The following PADI1 variants were observed in gnomAD, a reference collection of about 807,000 sequenced individuals.
The protein encoded by PADI1 is peptidyl arginine deiminase 1, also known as protein-arginine deiminase type-1.
PADI1 carries 65 observed loss-of-function variants against 74.8 expected under a neutral mutation model. The ratio of observed to expected loss-of-function variants is 0.87; its 90% confidence interval spans 0.71 to 1.07. PADI1 has a LOEUF of 1.07. Ranked by LOEUF, PADI1 falls within the 50% of genes least tolerant of loss-of-function variation. The pLI is 0.00. For missense variants in PADI1, 943 were observed against 854.0 expected (o/e 1.10, Z -1.30); for synonymous variants, 371 against 336.2 (o/e 1.10, Z -1.13).
chr1:17,220,021 G>A, intron 1 of PADI1, among the ~76,000 whole-genome samples: 1 of 152,102 alleles, frequency 6.6e-6, no homozygotes, highest in East Asian at 1.9e-4. Flanking sequence ...TAGTCCAGGA[G>A]ACTTGGGGTT....
chr1:17,214,767 C>T (rs1055267188), intron 1 of PADI1, among the ~76,000 whole-genome samples: 8 of 152,228 alleles, frequency 5.3e-5, no homozygotes, highest in African/African-American at 1.9e-4. Flanking sequence ...TCATCCATGA[C>T]CAGGCCCACA....
At position 17,228,655 on chromosome 1, in the gene PADI1, T is replaced by G. The variant is rs2072391554; in HGVS notation, c.683T>G (p.Val228Gly). The G allele has an allele frequency of 1.2e-6, 2 of 1,614,050 alleles. No individual in the cohort carries two copies. Among genetic ancestry groups the G allele is most frequent in the Non-Finnish European group, 8.5e-7 (1 of 1,180,026 alleles). The change falls in exon 7 of 16, where the codon GTG (valine) becomes GGG (glycine). Residue 228 changes from valine to glycine, a missense_variant. Val to Gly is a moderately radical substitution (Grantham distance 109, BLOSUM62 -3). Transcript: ENST00000375471. ...AATTCTCTCTCGGACTACAAACAGG[T>G]GCTGGGGCCCCAGTGTCTGTCCTAT... ...GGNSLSDYKQ[V>G]LGPQCLSYEV... is the part of the protein sequence containing the mutation.
Position 17,205,297 on chromosome 1 carries a change from T to C in PADI1, c.80T>C (p.Val27Ala). The change falls in exon 1 of 16, where the codon GTG becomes GCG. Residue 27 changes from valine to alanine, a missense_variant. Transcript: ENST00000375471. ...TGTGTGGTGGGAGTCGAGGCACATG[T>C]GGACATTCACAGGTAAGAGCTGGGA... ...AVCVVGVEAHVDIHSDVPKGA... is the reference protein window; with the variant it reads ...AVCVVGVEAHADIHSDVPKGA... 1 of 1,613,788 alleles carries C rather than the reference T, an allele frequency of 6.2e-7. No individual in the cohort carries two copies.
At chr1:17,215,550 G>A (rs2071954476) in intron 1 of PADI1, among the ~76,000 whole-genome samples, 1 of 152,018 alleles carries the variant, frequency 6.6e-6, no homozygotes. Flanking sequence ...CCTGAGTGGG[G>A]TGGAGCAGGA....
chr1:17,227,260 A>G (rs1284036657), intron 6 of PADI1, among the ~76,000 whole-genome samples: 1 of 151,306 alleles, frequency 6.6e-6, no homozygotes, highest in Non-Finnish European at 1.5e-5. Flanking sequence ...AGAAAAAGAA[A>G]AAATTGGCCG....
In PADI1 at chr1:17,230,623, G is replaced by C. The variant is rs1406730184; in HGVS notation, c.1105G>C (p.Val369Leu). ...IEAPHKSFPV[V>L]FDSPRNRGLK... ...GGCCCCTCACAAATCCTTCCCCGTGGTCTTTGACTCCCCCAGGAACAGGGG... is the reference window on the plus strand; with the variant it reads ...GGCCCCTCACAAATCCTTCCCCGTGCTCTTTGACTCCCCCAGGAACAGGGG... Residue 369 changes from valine to leucine, a missense_variant, in exon 10 of 16, where the codon GTC becomes CTC. Physicochemically the swap from Val to Leu is conservative, Grantham distance 32. Transcript: ENST00000375471. The C allele has an allele frequency of 6.2e-7, 1 of 1,613,302 alleles. No homozygotes were observed. The highest frequency in any genetic ancestry group is 1.7e-5 in the Admixed American group (1 of 59,942).
At chr1:17,235,697 G>A (rs1357062691) in intron 11 of PADI1, among the ~76,000 whole-genome samples, 2 of 152,076 alleles carry the variant, frequency 1.3e-5, no homozygotes, top group African/African-American at 2.4e-5. Flanking sequence ...GACTCAGGAA[G>A]GGGAGGGGCT....
At chr1:17,207,139 C>T (rs1007279783) in intron 1 of PADI1, among the ~76,000 whole-genome samples, 1 of 152,006 alleles carries the variant, frequency 6.6e-6, no homozygotes, top group Non-Finnish European at 1.5e-5. Flanking sequence ...ATTTCAGAAC[C>T]TCTGGCTCTA....
intron 15 of PADI1, 110 bp downstream of exon 15, chr1:17,240,870 T>C: frequency 8.3e-7 from 1 of 1,199,830 alleles, no homozygotes; most frequent in South Asian, 1.5e-5. Flanking sequence ...TGCGGACCTC[T>C]CCAGTGTCTG....
chr1:17,225,223 T>C (rs1259331177), intron 4 of PADI1, among the ~76,000 whole-genome samples: 1 of 152,196 alleles, frequency 6.6e-6, no homozygotes. Context: ...CGCACCCTTC[T>C]GTGAAATGGG....
rs1245156121 is a variant in PADI1 at position 17,238,665 on chromosome 1, A to G, written c.1508A>G (p.Gln503Arg). ...ASPSACLKLF[Q>R]EKKEEGYGEA... The stretch of plus-strand genomic sequence containing the variant: ...CCCAGCGCTTGCCTCAAACTCTTCC[A>G]AGAGAAGAAAGAAGAGGGTTATGGG... Residue 503 changes from glutamine to arginine, a missense_variant, in exon 13 of 16, where the codon CAA becomes CGA. Gln to Arg is a conservative substitution (Grantham distance 43, BLOSUM62 1). Transcript: ENST00000375471. 4 of 1,555,882 alleles carry G rather than the reference A, an allele frequency of 2.6e-6. No homozygotes were observed. In the African/African-American group the frequency reaches 4.1e-5, roughly 16 times the overall value.
At chr1:17,218,884 G>A (rs937139140) in intron 1 of PADI1, among the ~76,000 whole-genome samples, 5 of 152,128 alleles carry the variant, frequency 3.3e-5, no homozygotes, top group Non-Finnish European at 7.4e-5. Flanking sequence ...GCATGGTCGT[G>A]GACTCAAAGG....
intron 9 of PADI1, 30 bp from the exon 10 acceptor site, chr1:17,230,542 A>G: frequency 3.4e-6 from 5 of 1,482,080 alleles, no homozygotes; most frequent in Non-Finnish European, 4.7e-6. Context: ...GAAAAAGGTC[A>G]CTGTGGCTTT....
intron 1 of PADI1, among the ~76,000 whole-genome samples, chr1:17,219,570 C>T (rs1311604584): frequency 6.6e-6 from 1 of 152,078 alleles, no homozygotes; most frequent in Non-Finnish European, 1.5e-5. Flanking sequence ...CAGGGTGCAG[C>T]ACACCATCTA....
chr1:17,239,799 A>G lies in PADI1; in HGVS notation c.1632+16A>G, dbSNP rs774378312. The G allele has an allele frequency of 1.3e-6, 2 of 1,595,860 alleles. No homozygotes were observed. Among genetic ancestry groups the G allele is most frequent in the Non-Finnish European group, 1.7e-6 (2 of 1,164,144 alleles). On this transcript the variant is annotated intron_variant, in intron 14 of 15. Transcript: ENST00000375471. The stretch of plus-strand genomic sequence containing the variant: ...TCATGCACAGGTGAGAGGCAGGACC[A>G]CCAGCTGCTCTAAGGGGTCCTTTCC...
intron 11 of PADI1, 75 bp from the exon 12 acceptor site, chr1:17,237,239 A>G: frequency 5.4e-6 from 8 of 1,485,874 alleles, no homozygotes; most frequent in Non-Finnish European, 6.3e-6. Context: ...CTGGTGGCAG[A>G]TCTGATGATG....
rs373426172 is a variant in PADI1, at chr1:17,225,943, G to T, written c.526+15G>T. On this transcript the variant is annotated intron_variant, in intron 5 of 15. Transcript: ENST00000375471. ...GTCGCTGGCTGGTGAGTGACACAAG[G>T]TGTTGTCTGGGGAGTGGGGAAGGGG... The T allele has an allele frequency of 6.2e-7, 1 of 1,613,244 alleles. No individual in the cohort carries two copies. The highest frequency in any genetic ancestry group is 1.3e-5 in the African/African-American group (1 of 74,900).
Position 17,228,701 on chromosome 1 carries a change from G to C in PADI1, c.729G>C (p.Gly243=). 6.2e-7 allele frequency: 1 copy of C among 1,614,208 alleles called. No homozygotes were observed. Among genetic ancestry groups the C allele is most frequent in the Non-Finnish European group, 8.5e-7 (1 of 1,180,024 alleles). Residue 243 remains glycine, a synonymous_variant, in exon 7 of 16, where the codon GGG becomes GGC. Coordinates refer to ENST00000375471, the MANE Select transcript of PADI1 (RefSeq NM_013358.3). ...CLSYEVERQP[G]EQEIKFYVEG... is the part of the protein sequence containing the mutation. ...CCTATGAAGTTGAGCGACAGCCAGG[G>C]GAGCAGGAGATCAAGTTCTATGTGG...
In PADI1 at chr1:17,237,346, G is replaced by A. The variant is rs767917825; in HGVS notation, c.1346G>A (p.Arg449Gln). The A allele has an allele frequency of 5.6e-6, 9 of 1,612,128 alleles. No homozygotes were observed. The Admixed American group carries it at 6.7e-5, about 12-fold the overall frequency. Residue 449 changes from arginine to glutamine, a missense_variant, in exon 12 of 16, where the codon CGG becomes CAG. By Grantham distance (43) the Arg-to-Gln change is conservative. Transcript: ENST00000375471. ...GGGCGGCAGATGGCCAGGGCAGTGC[G>A]GAACTTCCTGAAGGCACAGCAGGTG... ...SGGRQMARAV[R>Q]NFLKAQQVQA...
Sources: gnomAD v4.1 joint callset for allele counts (sites outside exome capture counted in the v4.1 genomes callset) on GRCh38, gnomAD v4.1.1 for gene constraint, MANE v1.5 for transcripts, NCBI Gene and HGNC (gene_info 2026-07-23, HGNC 2026-07-21) for gene names.